The following AP3M2 variants were observed in gnomAD, a reference collection of about 807,000 sequenced individuals.
AP3M2 encodes AP-3 complex subunit mu-2.
AP3M2 carries 28 observed loss-of-function variants against 41.6 expected under a neutral mutation model. The observed-to-expected ratio is 0.67, with a 90% CI of 0.50 to 0.92. The LOEUF (loss-of-function observed/expected upper bound fraction) is 0.92, where lower values mean the gene tolerates loss of function less well. AP3M2 is among the 40% of genes least tolerant of loss of function. The probability of loss-of-function intolerance (pLI) is 0.00; values close to 1 mark genes in which losing one functional copy is unlikely to be tolerated. For missense variants in AP3M2, 427 were observed against 521.4 expected, an observed-to-expected ratio of 0.82 and a Z score of 1.76; for synonymous variants, 193 against 186.4, an observed-to-expected ratio of 1.04 and a Z score of -0.29.
intron 3 of AP3M2, among the ~76,000 whole-genome samples, chr8:42,160,214 T>A (rs1804473257): frequency 6.6e-6 from 1 of 152,210 alleles, no homozygotes; most frequent in African/African-American, 2.4e-5. Context: ...ATACAAAATT[T>A]GAAACATTTC....
At chr8:42,155,841 CCA>C (rs1349719741) in intron 2 of AP3M2, 1 of 369,184 alleles carries the variant, frequency 2.7e-6, no homozygotes. Context: ...GAATGAGGAC[CCA>C]CACACTATGA....
rs1804435938 is a variant in AP3M2 at position 42,159,007 on chromosome 8, C to T, written c.445+895C>T. Among the ~76,000 whole-genome samples, 4 of 152,120 alleles carry T rather than the reference C, an allele frequency of 2.6e-5. No homozygotes were observed. In the South Asian group the frequency reaches 8.3e-4, roughly 32 times the overall value. On this transcript the variant is annotated intron_variant, in intron 3 of 8. Coordinates refer to ENST00000396926, the MANE Select transcript of AP3M2 (RefSeq NM_006803.4). ...ATGGGGTTTCATCATGTTGACTATG[C>T]TGGTCTCTAATGCCTGACCTCAAGT... is the stretch of plus-strand genomic sequence containing the variant.
chr8:42,153,763 A>G (rs923665727), intron 1 of AP3M2: 1 of 152,056 alleles, frequency 6.6e-6, no homozygotes, highest in African/African-American at 2.4e-5. Flanking sequence ...GGCCTCCCTA[A>G]GTACTGGGAT....
At chr8:42,166,796 C>T (rs1804650533) in intron 6 of AP3M2, 2 of 208,188 alleles carry the variant, frequency 9.6e-6, no homozygotes, top group South Asian at 1.5e-4. Flanking sequence ...TATAAAAGGT[C>T]CATGAGCTAT....
chr8:42,164,750 A>T (rs927044788), intron 4 of AP3M2, among the ~76,000 whole-genome samples: 1 of 152,238 alleles, frequency 6.6e-6, no homozygotes, highest in Non-Finnish European at 1.5e-5. Context: ...GGCTAAAATA[A>T]TGATGCTCTG....
At chr8:42,167,079 C>A in intron 6 of AP3M2, 85 bp from the exon 7 acceptor site, 3 of 1,221,526 alleles carry the variant, frequency 2.5e-6, no homozygotes, top group Non-Finnish European at 2.4e-6. Context: ...AAGCTACCCA[C>A]AGGGCAGAAA....
Position 42,167,341 on chromosome 8 carries a change from G to A in AP3M2, c.981G>A (p.Gln327=). 2 of 1,614,178 alleles carry A rather than the reference G, an allele frequency of 1.2e-6. No homozygotes were observed. The highest frequency in any genetic ancestry group is 1.7e-6 in the Non-Finnish European group (2 of 1,180,022). ...GVLNMSLTPS[Q]GTHTFDPVTK... ...TGAACATGAGCCTTACTCCATCACAGGGGACACACACATTCGACCCAGTCA... is the reference window on the plus strand; with the variant it reads ...TGAACATGAGCCTTACTCCATCACAAGGGACACACACATTCGACCCAGTCA... The change falls in exon 7 of 9, where the codon CAG becomes CAA. Residue 327 remains glutamine, a synonymous_variant. Coordinates refer to ENST00000396926, the MANE Select transcript of AP3M2 (RefSeq NM_006803.4).
rs146365797 is a variant in AP3M2 at position 42,169,381 on chromosome 8, A to C, written c.*320A>C. 19 of 197,724 alleles carry C rather than the reference A, an allele frequency of 9.6e-5. No individual in the cohort carries two copies. The highest frequency in any genetic ancestry group is 3.9e-4 in the African/African-American group (17 of 43,376). The allele number at this position is 197,724 out of a possible 1,614,324, so 12.2% of individuals were successfully genotyped here. The stretch of plus-strand genomic sequence containing the variant: ...ACATTTGTTTAGCTTGCTTGGCTTT[A>C]ATTATCTAAAGCCAATGAAAGACTT... On this transcript the variant is annotated 3_prime_UTR_variant, in exon 9 of 9. Transcript: ENST00000396926.
intron 5 of AP3M2, 115 bp from the exon 6 acceptor site, chr8:42,165,312 T>G: frequency 1.4e-6 from 2 of 1,462,932 alleles, no homozygotes; most frequent in Non-Finnish European, 1.9e-6. Context: ...CTACATGATT[T>G]CTGTGTGTGT....
intron 3 of AP3M2, 148 bp downstream of exon 3, chr8:42,158,260 T>C (rs1386510360): frequency 3.6e-6 from 3 of 840,568 alleles, no homozygotes; most frequent in African/African-American, 3.5e-5. Flanking sequence ...GTTTTTTTTT[T>C]TTTTTTGAGA....
chr8:42,168,125 T>C (rs893629811), intron 8 of AP3M2: 58 of 522,734 alleles, frequency 1.1e-4, no homozygotes, highest in African/African-American at 1.0e-3. Context: ...CCCAAGGTTT[T>C]CAGTATGAGA....
intron 3 of AP3M2, 66 bp downstream of exon 3, chr8:42,158,178 C>T (rs561208370): frequency 7.2e-5 from 109 of 1,519,962 alleles, no homozygotes; most frequent in Non-Finnish European, 7.7e-5. Context: ...AGTCGAGTGT[C>T]GCACATTGTT....
intron 3 of AP3M2, among the ~76,000 whole-genome samples, chr8:42,159,132 G>A (rs1435412116): frequency 6.6e-6 from 1 of 152,146 alleles, no homozygotes; most frequent in Non-Finnish European, 1.5e-5. Context: ...TCCATGTGGA[G>A]TGGACCCAAA....
intron 2 of AP3M2, chr8:42,155,999 A>C (rs983108168): frequency 2.2e-6 from 1 of 456,218 alleles, no homozygotes; most frequent in Non-Finnish European, 4.4e-6. Flanking sequence ...CTGGAATTTC[A>C]GTTCTCATGC....
intron 4 of AP3M2, among the ~76,000 whole-genome samples, chr8:42,162,761 A>G (rs1319091427): frequency 6.6e-6 from 1 of 151,928 alleles, no homozygotes; most frequent in African/African-American, 2.4e-5. Flanking sequence ...CCTGAGCAAC[A>G]TAGTGAGACC....
chr8:42,162,489 T>C (rs1486147409), intron 4 of AP3M2, 71 bp downstream of exon 4: 1 of 1,512,138 alleles, frequency 6.6e-7, no homozygotes, highest in East Asian at 2.3e-5. Context: ...TGCTTGTAGT[T>C]TCAGAATTAA....
At position 42,154,625 on chromosome 8, in the gene AP3M2, C is replaced by CTG. The variant is rs1455087360; in HGVS notation, c.-62_-61insGT. 1.1e-5 allele frequency: 17 copies of CTG among 1,568,178 alleles called. No individual in the cohort carries two copies. The highest frequency in any genetic ancestry group is 3.8e-5 in the Admixed American group (2 of 52,432). On this transcript the variant is annotated 5_prime_UTR_variant, in exon 2 of 9. Transcript: ENST00000396926. ...CTGCTTTTGTTTTTAGAGTTGAAAA[C>CTG]TTACAGAGTCCTGAGGCTTTCAGAC...
At chr8:42,154,007 G>T (rs372521800) in intron 1 of AP3M2, 8 of 152,118 alleles carry the variant, frequency 5.3e-5, no homozygotes, top group African/African-American at 1.9e-4. Flanking sequence ...TAATATATTT[G>T]ATTTAACCCA....
intron 8 of AP3M2, 95 bp from the exon 9 acceptor site, chr8:42,168,866 C>A: frequency 1.2e-6 from 1 of 849,532 alleles, no homozygotes; most frequent in Non-Finnish European, 1.8e-6. Flanking sequence ...CAATGTCGGT[C>A]CCACTGACTT....
Sources: allele counts gnomAD v4.1 joint callset (sites outside exome capture counted in the v4.1 genomes callset), GRCh38; gene constraint gnomAD v4.1.1; transcripts MANE v1.5; gene names NCBI Gene and HGNC (gene_info 2026-07-23, HGNC 2026-07-21).